MCOLN3: variants seen among roughly 807,000 people sequenced by gnomAD.
The protein encoded by MCOLN3 is mucolipin-3.
In MCOLN3, 62 loss-of-function variants were observed where a neutral mutation model predicts 69.4. The ratio of observed to expected loss-of-function variants is 0.89; its 90% CI spans 0.73 to 1.10. The LOEUF is 1.10. Ranked by LOEUF, MCOLN3 falls within the 50% of genes least tolerant of loss-of-function variation. MCOLN3 has a pLI of 0.00. For synonymous variants in MCOLN3, 183 were observed against 217.0 expected (o/e 0.84, Z 1.38); for missense variants, 564 against 656.4 (o/e 0.86, Z 1.54).
intron 6 of MCOLN3, among the ~76,000 whole-genome samples, chr1:85,032,437 C>G (rs910054004): frequency 6.6e-6 from 1 of 152,074 alleles, no homozygotes; most frequent in Non-Finnish European, 1.5e-5. Context: ...AGGCACTGTT[C>G]GTGGTACTGG....
intron 2 of MCOLN3, among the ~76,000 whole-genome samples, chr1:85,042,849 T>C (rs2102943757): frequency 6.6e-6 from 1 of 152,358 alleles, no homozygotes. Flanking sequence ...GCTCACTTCA[T>C]TTGCTCAATT....
At chr1:85,026,431 G>C in intron 7 of MCOLN3, 147 bp from the exon 8 acceptor site, 1 of 643,864 alleles carries the variant, frequency 1.6e-6, no homozygotes. Context: ...ATTAGTATTT[G>C]AAGAAGGGCA....
chr1:85,041,093 C>A lies in MCOLN3; in HGVS notation c.313G>T (p.Gly105Ter). The A allele has an allele frequency of 6.2e-7, 1 of 1,614,038 alleles. No homozygotes were observed. The change falls in exon 3 of 13, where the codon GGA (glycine) becomes TGA (stop). Residue 105 changes from glycine to a stop codon, truncating the protein, a stop_gained. Coordinates refer to ENST00000370589, the MANE Select transcript of MCOLN3 (RefSeq NM_018298.11). LOFTEE classifies it high-confidence loss of function. ...TIAFKHLFLKGYMDRMDDTYA... is the reference protein window; with the variant it reads ...TIAFKHLFLK Reference sequence around the variant, plus strand: ...GTGTCATCCATTCGGTCCATATATCCTTTTAGGAAAAGGTGTTTGAATGCT... The same window carrying A: ...GTGTCATCCATTCGGTCCATATATCATTTTAGGAAAAGGTGTTTGAATGCT...
chr1:85,048,114 A>G (rs369735958), intron 1 of MCOLN3, among the ~76,000 whole-genome samples: 8 of 152,256 alleles, frequency 5.3e-5, no homozygotes, highest in African/African-American at 1.9e-4. Context: ...GGCGGCCTGG[A>G]GGGGGACCGA....
At chr1:85,034,815 G>A (rs1171277975) in intron 3 of MCOLN3, among the ~76,000 whole-genome samples, 1 of 152,022 alleles carries the variant, frequency 6.6e-6, no homozygotes, top group East Asian at 1.9e-4. Flanking sequence ...AGAATCTTAC[G>A]GTGCCTTGGA....
chr1:85,048,355 C>T (rs1653497481), intron 1 of MCOLN3, 41 bp downstream of exon 1: 2 of 151,840 alleles, frequency 1.3e-5, no homozygotes, highest in African/African-American at 4.8e-5. Flanking sequence ...GCGCCGTTCC[C>T]GCGACACCCG....
chr1:85,047,032 T>C (rs1260250668), intron 1 of MCOLN3, among the ~76,000 whole-genome samples: 1 of 152,196 alleles, frequency 6.6e-6, no homozygotes, highest in Non-Finnish European at 1.5e-5. Flanking sequence ...AGACTTTATC[T>C]ATAGGACTTA....
At chr1:85,047,440 GCGCC>G (rs1262145828) in intron 1 of MCOLN3, 1 of 152,300 alleles carries the variant, frequency 6.6e-6, no homozygotes, top group Non-Finnish European at 1.5e-5. Flanking sequence ...TTCACCCGGA[GCGCC>G]GGCGCGGGAG....
intron 9 of MCOLN3, among the ~76,000 whole-genome samples, chr1:85,023,766 A>G (rs1253935174): frequency 6.6e-6 from 1 of 152,188 alleles, no homozygotes; most frequent in East Asian, 1.9e-4. Context: ...ATGTCCAAGC[A>G]CTATGCCTTG....
chr1:85,036,466 G>A (rs1212893088), intron 3 of MCOLN3, among the ~76,000 whole-genome samples: 2 of 152,140 alleles, frequency 1.3e-5, no homozygotes, highest in Admixed American at 6.5e-5. Flanking sequence ...TGGGATTACA[G>A]GCATGAGCCA....
chr1:85,043,129 A>G (rs1384587667), intron 2 of MCOLN3, among the ~76,000 whole-genome samples: 1 of 151,948 alleles, frequency 6.6e-6, no homozygotes, highest in East Asian at 1.9e-4. Context: ...TATCAGTTCT[A>G]CTCTTCTAGT....
At chr1:85,029,235 T>C (rs1402286366) in intron 6 of MCOLN3, 30 bp from the exon 7 acceptor site, 1 of 1,403,328 alleles carries the variant, frequency 7.1e-7, no homozygotes, top group Non-Finnish European at 1.0e-6. Flanking sequence ...GTCAAAAACA[T>C]ACTTATAGTT....
intron 9 of MCOLN3, among the ~76,000 whole-genome samples, chr1:85,024,160 T>TA (rs960006486): frequency 3.3e-5 from 5 of 150,422 alleles, no homozygotes; most frequent in Non-Finnish European, 7.4e-5. Context: ...TCCTGTCTCT[T>TA]AAAAAAAACA....
chr1:85,028,281 A>T (rs1438282460), intron 7 of MCOLN3, among the ~76,000 whole-genome samples: 1 of 152,192 alleles, frequency 6.6e-6, no homozygotes, highest in African/African-American at 2.4e-5. Flanking sequence ...ATCAATTAGT[A>T]AGAAACTTTA....
At chr1:85,043,399 G>A (rs560057495) in intron 2 of MCOLN3, among the ~76,000 whole-genome samples, 28 of 152,170 alleles carry the variant, frequency 1.8e-4, no homozygotes, top group Middle Eastern at 3.4e-3. Flanking sequence ...GCATGGTGGT[G>A]TGTGCCTGTA....
chr1:85,035,995 C>T (rs1652781646), intron 3 of MCOLN3, among the ~76,000 whole-genome samples: 1 of 152,162 alleles, frequency 6.6e-6, no homozygotes, highest in Non-Finnish European at 1.5e-5. Context: ...GAGACCTTCT[C>T]CAACCACCTC....
intron 1 of MCOLN3, among the ~76,000 whole-genome samples, chr1:85,047,866 C>G (rs1653452772): frequency 6.6e-6 from 1 of 152,252 alleles, no homozygotes; most frequent in Non-Finnish European, 1.5e-5. Flanking sequence ...CGGGCACTGC[C>G]GTGGAGCTCA....
At chr1:85,044,248 C>T (rs1452395484) in intron 2 of MCOLN3, among the ~76,000 whole-genome samples, 1 of 152,146 alleles carries the variant, frequency 6.6e-6, no homozygotes, top group African/African-American at 2.4e-5. Context: ...TAAAAATTGC[C>T]TTGGTTCCCT....
intron 6 of MCOLN3, among the ~76,000 whole-genome samples, chr1:85,032,024 C>G (rs187117428): frequency 6.6e-6 from 1 of 151,724 alleles, no homozygotes; most frequent in African/African-American, 2.4e-5. Flanking sequence ...TGCAGTGAGC[C>G]GAGATCGCGC....
Sources: allele counts gnomAD v4.1 joint callset (sites outside exome capture counted in the v4.1 genomes callset), GRCh38; gene constraint gnomAD v4.1.1; transcripts MANE v1.5; gene names NCBI Gene and HGNC (gene_info 2026-07-23, HGNC 2026-07-21).